Variants in ARMC9 observed in about 807,000 individuals in gnomAD.
ARMC9 encodes the protein lisH domain-containing protein ARMC9.
ARMC9 carries 94 observed loss-of-function variants against 107.0 expected under a neutral mutation model. That is an observed-to-expected ratio of 0.88 (90% CI 0.74 to 1.04). The LOEUF (loss-of-function observed/expected upper bound fraction) is 1.04. Ranked by LOEUF, ARMC9 falls within the 50% of genes least tolerant of loss-of-function variation. The pLI is 0.00. For missense variants in ARMC9, 942 were observed against 1,030.1 expected (o/e 0.91, Z 1.17); for synonymous variants, 380 against 396.9 (o/e 0.96, Z 0.51).
intron 14 of ARMC9, among the ~76,000 whole-genome samples, chr2:231,273,915 C>G (rs2039550656): frequency 6.6e-6 from 1 of 152,126 alleles, no homozygotes; most frequent in Admixed American, 6.6e-5. Flanking sequence ...ATTCCTACCC[C>G]CAGTCCCCGG....
intron 8 of ARMC9, among the ~76,000 whole-genome samples, chr2:231,237,573 A>C (rs2035834846): frequency 6.6e-6 from 1 of 151,316 alleles, no homozygotes; most frequent in African/African-American, 2.4e-5. Flanking sequence ...AACAATGTCT[A>C]CTCCCCCAGT....
At chr2:231,286,939 G>C (rs1414747283) in intron 17 of ARMC9, among the ~76,000 whole-genome samples, 2 of 152,224 alleles carry the variant, frequency 1.3e-5, no homozygotes, top group East Asian at 1.9e-4. Flanking sequence ...GAAGAGATCA[G>C]ATAAGTGGAG....
At position 231,259,012 on chromosome 2, in the gene ARMC9, A is replaced by G; in HGVS notation, c.936A>G (p.Leu312=). The G allele has an allele frequency of 6.2e-7, 1 of 1,613,764 alleles. No homozygotes were observed. Among genetic ancestry groups the G allele is most frequent in the Non-Finnish European group, 8.5e-7 (1 of 1,179,684 alleles). ...GTAGGAAATTGAAGGATGTCCCATTACTGCCCTCCTTGGATTATGAGAAAC... is the reference window on the plus strand; with the variant it reads ...GTAGGAAATTGAAGGATGTCCCATTGCTGCCCTCCTTGGATTATGAGAAAC... ...LAPVKLKDVP[L]LPSLDYEKLK... is the part of the protein sequence containing the mutation. Residue 312 remains leucine, a synonymous_variant, in exon 11 of 25, where the codon TTA becomes TTG. Transcript: ENST00000611582.
At chr2:231,331,695 GC>G in intron 19 of ARMC9, 97 bp from the exon 20 acceptor site, 1 of 1,029,864 alleles carries the variant, frequency 9.7e-7, no homozygotes, top group African/African-American at 1.6e-5. Context: ...ATTGGCCGAG[GC>G]CTTCTTGTTT....
At chr2:231,282,282 T>C in intron 17 of ARMC9, 149 bp downstream of exon 17, 1 of 756,454 alleles carries the variant, frequency 1.3e-6, no homozygotes, top group Admixed American at 2.6e-5. Context: ...ATATTTGCCA[T>C]TTCCTGGGGA....
chr2:231,239,965 G>T lies in ARMC9; in HGVS notation c.803G>T (p.Ser268Ile), dbSNP rs376477328. The stretch of plus-strand genomic sequence containing the variant: ...CAGATCACCCCTGAGTACCTCCAGA[G>T]CGTCTGTGTCCGCCTGTTCAGTAAC... ...GKMITPEYLQSVCVRLFSNQM... is the reference protein window; with the variant it reads ...GKMITPEYLQIVCVRLFSNQM... The change falls in exon 9 of 25, where the codon AGC becomes ATC. Residue 268 changes from serine (S) to isoleucine (I), a missense_variant. Transcript: ENST00000611582. 2 of 1,614,100 alleles carry T rather than the reference G, an allele frequency of 1.2e-6. No homozygotes were observed. The highest frequency in any genetic ancestry group is 1.7e-6 in the Non-Finnish European group (2 of 1,180,004).
chr2:231,334,975 G>A (rs1029519466), intron 20 of ARMC9, among the ~76,000 whole-genome samples: 7 of 152,164 alleles, frequency 4.6e-5, no homozygotes, highest in African/African-American at 1.4e-4. Flanking sequence ...CCCTTGTTCC[G>A]ATGTACTGGG....
At chr2:231,352,760 T>C (rs796241454) in intron 21 of ARMC9, among the ~76,000 whole-genome samples, 3 of 130,538 alleles carry the variant, frequency 2.3e-5, no homozygotes, top group African/African-American at 8.8e-5. Context: ...TAGGTAGACA[T>C]AGATATAGAT....
intron 5 of ARMC9, among the ~76,000 whole-genome samples, chr2:231,219,050 C>T (rs147479699): frequency 5.9e-5 from 9 of 152,136 alleles, no homozygotes; most frequent in African/African-American, 2.2e-4. Context: ...TCACGCCCAG[C>T]CATAAAGTCT....
At chr2:231,325,596 C>T (rs1355410878) in intron 19 of ARMC9, among the ~76,000 whole-genome samples, 1 of 152,158 alleles carries the variant, frequency 6.6e-6, no homozygotes, top group East Asian at 1.9e-4. Context: ...ATGCCCAGAG[C>T]TCCCTGCCAC....
intron 19 of ARMC9, among the ~76,000 whole-genome samples, chr2:231,318,136 C>T (rs2042805213): frequency 6.6e-6 from 1 of 151,902 alleles, no homozygotes; most frequent in South Asian, 2.1e-4. Flanking sequence ...GTTTTGCTCT[C>T]CTGAGGGCTG....
In ARMC9 at chr2:231,323,813, C is replaced by T. The variant is rs188756165; in HGVS notation, c.1774-7980C>T. Among the ~76,000 whole-genome samples, 6 of 152,272 alleles carry T rather than the reference C, an allele frequency of 3.9e-5. No individual in the cohort carries two copies. In the East Asian group the frequency reaches 1.2e-3, roughly 29 times the overall value. ...GGTACAAAACTTTTTAAACCAAGAA[C>T]CATCAATTTGGTGATGATTTTCACC... On this transcript the variant is annotated intron_variant, in intron 19 of 24. Transcript: ENST00000611582.
intron 19 of ARMC9, among the ~76,000 whole-genome samples, chr2:231,302,973 C>T (rs1001530340): frequency 1.3e-5 from 2 of 152,160 alleles, no homozygotes; most frequent in Non-Finnish European, 2.9e-5. Context: ...CACTGCACTC[C>T]AGCCTGGGTG....
At chr2:231,292,892 G>A (rs1244325507) in intron 18 of ARMC9, among the ~76,000 whole-genome samples, 2 of 152,200 alleles carry the variant, frequency 1.3e-5, no homozygotes, top group African/African-American at 4.8e-5. Flanking sequence ...CACCTGGGGA[G>A]ATGTTTAAAT....
chr2:231,328,165 A>G (rs2043462024), intron 19 of ARMC9, among the ~76,000 whole-genome samples: 1 of 152,102 alleles, frequency 6.6e-6, no homozygotes, highest in South Asian at 2.1e-4. Context: ...ATGATATTGA[A>G]CATCTTTTCA....
intron 8 of ARMC9, 123 bp from the exon 9 acceptor site, chr2:231,239,820 A>G (rs936890929): frequency 6.5e-6 from 5 of 773,910 alleles, no homozygotes; most frequent in South Asian, 1.5e-5. Flanking sequence ...TCTGGCTTAC[A>G]TACCTCATCA....
At chr2:231,280,478 T>C (rs1419383699) in intron 16 of ARMC9, among the ~76,000 whole-genome samples, 1 of 151,528 alleles carries the variant, frequency 6.6e-6, no homozygotes, top group East Asian at 1.9e-4. Context: ...ATAAATAAAG[T>C]AAGAAAAAGA....
In ARMC9 at chr2:231,376,465, A is replaced by G. The variant is rs1033674798; in HGVS notation, c.*4930A>G. The stretch of plus-strand genomic sequence containing the variant: ...TCGTCTCTTATGGTCGAGGCTGCAG[A>G]GATGAAATAAACTCCAGTCTCCCAT... On this transcript the variant is annotated 3_prime_UTR_variant, in exon 25 of 25. Transcript: ENST00000611582. Among the ~76,000 whole-genome samples, 3 of 152,080 alleles carry G rather than the reference A, an allele frequency of 2.0e-5. No individual in the cohort carries two copies. The highest frequency in any genetic ancestry group is 4.8e-5 in the African/African-American group (2 of 41,396).
At chr2:231,285,630 G>C (rs1385120673) in intron 17 of ARMC9, among the ~76,000 whole-genome samples, 1 of 149,084 alleles carries the variant, frequency 6.7e-6, no homozygotes, top group Non-Finnish European at 1.5e-5. Context: ...TGTGCAACAG[G>C]GTGAGACTCC....
Sources: gnomAD v4.1 joint callset for allele counts (sites outside exome capture counted in the v4.1 genomes callset) on GRCh38, gnomAD v4.1.1 for gene constraint, MANE v1.5 for transcripts, NCBI Gene and HGNC (gene_info 2026-07-23, HGNC 2026-07-21) for gene names.